ZNF91: variants seen among roughly 807,000 people sequenced by gnomAD.
ZNF91 encodes the protein zinc finger protein 91, also known as zinc finger protein 91 (HPF7, HTF10).
A neutral mutation model predicts 12.6 loss-of-function variants in ZNF91; 7 were observed. That is an observed-to-expected ratio of 0.55 (90% CI 0.31 to 1.04). ZNF91 has a LOEUF of 1.04. Among genes scored for constraint, ZNF91 ranks in the 50% least tolerant of loss-of-function variants. The pLI is 0.05. For missense variants in ZNF91, 1,217 were observed against 1,385.4 expected (o/e 0.88, Z 1.93); for synonymous variants, 453 against 462.6 (o/e 0.98, Z 0.27).
intron 1 of ZNF91, among the ~76,000 whole-genome samples, chr19:23,387,334 A>G (rs933826149): frequency 6.6e-6 from 1 of 152,238 alleles, no homozygotes; most frequent in Non-Finnish European, 1.5e-5. Flanking sequence ...ATAAAGACAC[A>G]TGCACAAGGG....
chr19:23,324,843 T>C (rs1452030009), intron 1 of ZNF91: 1 of 152,084 alleles, frequency 6.6e-6, no homozygotes, highest in African/African-American at 2.4e-5. Context: ...GTCTCCCTTA[T>C]TTTAATTTCT....
In ZNF91 at chr19:23,384,378, C is replaced by T. The variant is rs575878825; in HGVS notation, c.31-9614G>A. Among the ~76,000 whole-genome samples the T allele has an allele frequency of 2.0e-4, 30 of 152,252 alleles. 2 individuals are homozygous for T. The South Asian group carries it at 3.3e-3, about 17-fold the overall frequency. On this transcript the variant is annotated intron_variant, in intron 1 of 3. Transcript: ENST00000300619. ...CTTCCCTGCAGGTCACCGCCCACCA[C>T]GCCGGAACCGCGCACAGCTAGAGCC...
chr19:23,347,599 T>G (rs904485555), intron 3 of ZNF91, among the ~76,000 whole-genome samples: 3 of 152,200 alleles, frequency 2.0e-5, no homozygotes, highest in Non-Finnish European at 4.4e-5. Context: ...GGGTGCTTCC[T>G]TCTTCCTCAC....
intron 3 of ZNF91, chr19:23,339,277 T>A (rs1380273099): frequency 6.6e-6 from 1 of 151,876 alleles, no homozygotes; most frequent in African/African-American, 2.4e-5. Flanking sequence ...CAAAAAAGGA[T>A]AAAGATCATC....
chr19:23,366,570 CTG>C lies in ZNF91; in HGVS notation c.254-3847_254-3846del, dbSNP rs977524149. Reference sequence around the variant, plus strand: ...CAATTCAGCAGACTGTATAAAAAGTCTGTGCCAGCATCTGCTTCTGGTGAGAG... The same window carrying C: ...CAATTCAGCAGACTGTATAAAAAGTCTGCCAGCATCTGCTTCTGGTGAGAG... On this transcript the variant is annotated intron_variant, in intron 3 of 3. Transcript: ENST00000300619. Among the ~76,000 whole-genome samples the C allele has an allele frequency of 5.6e-4, 85 of 152,318 alleles. 2 individuals carry two copies. The highest frequency in any genetic ancestry group is 2.6e-4 in the Admixed American group (4 of 15,300).
chr19:23,385,908 T>A (rs1231389842), intron 1 of ZNF91, among the ~76,000 whole-genome samples: 2 of 152,172 alleles, frequency 1.3e-5, no homozygotes, highest in Non-Finnish European at 2.9e-5. Flanking sequence ...GGCAAAGTAC[T>A]ACTGTAACTA....
Position 23,360,429 on chromosome 19 carries a change from T to A in ZNF91, c.2550A>T (p.Gly850=). The part of the protein sequence containing the change: ...ALAKHKIIHA[G]EKLYKCEECG... ...ATTCCTCACATTTGTAGAGTTTCTC[T>A]CCAGCATGTATTATTTTATGTTTAG... Residue 850 remains glycine (G), a synonymous_variant, in exon 4 of 4, where the codon GGA becomes GGT. Transcript: ENST00000300619. 5.0e-6 allele frequency: 8 copies of A among 1,614,112 alleles called. No homozygotes were observed. Among genetic ancestry groups the A allele is most frequent in the Non-Finnish European group, 6.8e-6 (8 of 1,179,996 alleles).
At position 23,318,445 on chromosome 19, in the gene ZNF91, T is replaced by A. The variant is rs548814500; in HGVS notation, n.117-9348A>T. Among the ~76,000 whole-genome samples the A allele has an allele frequency of 2.0e-5, 3 of 152,264 alleles. No individual in the cohort carries two copies. In the South Asian group the frequency reaches 6.2e-4, roughly 32 times the overall value. On this transcript the variant is annotated intron_variant and non_coding_transcript_variant, in intron 1 of 1. Coordinates refer to the ZNF91 transcript ENST00000596528. ...TTTTAGGTTCTGCCTGCAGGAAAGG[T>A]TGTGATGTGTCTCTGGACCCAACGG...
intron 3 of ZNF91, among the ~76,000 whole-genome samples, chr19:23,343,392 A>C (rs1968161642): frequency 6.6e-6 from 1 of 152,256 alleles, no homozygotes; most frequent in Non-Finnish European, 1.5e-5. Flanking sequence ...ACATCTAGTG[A>C]TAGAACCTGG....
chr19:23,341,877 C>G (rs149219922), intron 3 of ZNF91, among the ~76,000 whole-genome samples: 123 of 152,224 alleles, frequency 8.1e-4, no homozygotes, highest in African/African-American at 2.8e-3. Flanking sequence ...TTCTTATACT[C>G]CCCCAAAACA....
Position 23,358,014 on chromosome 19 carries a change from C to A in ZNF91, c.*1389G>T, listed in dbSNP as rs1028657560. ...AGCCTATGGGAACAATATTCTTTAACTTAATGGCAATTAAAACTCACTGGC... is the reference window on the plus strand; with the variant it reads ...AGCCTATGGGAACAATATTCTTTAAATTAATGGCAATTAAAACTCACTGGC... On this transcript the variant is annotated 3_prime_UTR_variant, in exon 4 of 4. Transcript: ENST00000300619. 6.6e-6 allele frequency: 1 copy of A among 152,068 alleles called. No individual in the cohort carries two copies. Among genetic ancestry groups the A allele is most frequent in the African/African-American group, 2.4e-5 (1 of 41,426 alleles). 9.4% of individuals were successfully genotyped at this position (152,068 alleles called of 1,614,324 possible). A position where few individuals can be genotyped will look rare whatever the true frequency, so the allele number is the denominator to read the frequency against.
rs921214881 is a variant in ZNF91 at position 23,362,114 on chromosome 19, T to C, written c.865A>G (p.Thr289Ala). Residue 289 changes from threonine to alanine, a missense_variant, in exon 4 of 4, where the codon ACT becomes GCT. Physicochemically the swap from Thr to Ala is moderately conservative, Grantham distance 58. This residue lies in a region of ZNF91 where 726 missense variants were observed against 895.5 expected (regional missense o/e 0.81). Coordinates refer to ENST00000300619, the MANE Select transcript of ZNF91 (RefSeq NM_003430.4). ...STLTRHKRIH[T>A]GEKPYKCEEC... ...TCACATTTGTAGGGTTTCTCTCCAG[T>C]GTGTATCCTCTTATGTCTAGTTAGG... 3.7e-6 allele frequency: 6 copies of C among 1,613,980 alleles called. No individual in the cohort carries two copies. In the African/African-American group the frequency reaches 8.0e-5, roughly 22 times the overall value.
At chr19:23,349,916 G>A (rs899843386) in intron 3 of ZNF91, among the ~76,000 whole-genome samples, 3 of 152,124 alleles carry the variant, frequency 2.0e-5, no homozygotes, top group East Asian at 1.9e-4. Flanking sequence ...CCTCCGCAAC[G>A]GATCATCGAA....
chr19:23,338,864 G>A (rs1177406468), exon 4 of ZNF91: 1 of 151,968 alleles, frequency 6.6e-6, no homozygotes, highest in Non-Finnish European at 1.5e-5. Context: ...CCAGCCTGGT[G>A]AATATGATGA....
downstream of ZNF91, among the ~76,000 whole-genome samples, chr19:23,357,249 CAACA>C (rs1366652005): frequency 6.6e-6 from 1 of 151,830 alleles, no homozygotes; most frequent in Admixed American, 6.6e-5. Flanking sequence ...ACAACAACAA[CAACA>C]AACAATTAAG....
At chr19:23,337,266 G>A (rs889196141), downstream of ZNF91, among the ~76,000 whole-genome samples, 1 of 151,642 alleles carries the variant, frequency 6.6e-6, no homozygotes, top group Non-Finnish European at 1.5e-5. Context: ...AGATGACCCC[G>A]AGCCAATAAA....
At chr19:23,344,009 G>A (rs1968171552) in intron 3 of ZNF91, among the ~76,000 whole-genome samples, 1 of 152,140 alleles carries the variant, frequency 6.6e-6, no homozygotes, top group African/African-American at 2.4e-5. Flanking sequence ...GAATAAAATG[G>A]ACAGATTGGC....
chr19:23,323,863 TCTC>T (rs201704573), intron 1 of ZNF91: 3,915 of 132,522 alleles, frequency 0.03, 146 homozygotes, highest in African/African-American at 0.11. Context: ...CTCCTATTCT[TCTC>T]CTCTTCGTTT....
intron 3 of ZNF91, among the ~76,000 whole-genome samples, chr19:23,350,406 A>C (rs766195916): frequency 2.0e-5 from 3 of 152,150 alleles, no homozygotes; most frequent in Non-Finnish European, 4.4e-5. Flanking sequence ...AAAGCCATTA[A>C]AACTCTTATT....
Sources: gnomAD v4.1 joint callset for allele counts (sites outside exome capture counted in the v4.1 genomes callset) on GRCh38, gnomAD v4.1.1 for gene constraint, gnomAD v4.1.1 regional missense constraint, MANE v1.5 for transcripts, NCBI Gene and HGNC (gene_info 2026-07-23, HGNC 2026-07-21) for gene names.